The following LARP1B variants were observed in gnomAD, a reference collection of about 807,000 sequenced individuals.
The protein encoded by LARP1B is la-related protein 1B.
LARP1B carries 76 observed loss-of-function variants against 114.2 expected under a neutral mutation model. The observed-to-expected ratio is 0.67, with a 90% CI of 0.55 to 0.81. LARP1B has a LOEUF of 0.81. LARP1B is among the 30% of genes least tolerant of loss of function. LARP1B has a pLI of 0.00. For synonymous variants in LARP1B, 345 were observed against 348.0 expected (o/e 0.99, Z 0.10); for missense variants, 1,014 against 1,075.8 (o/e 0.94, Z 0.80).
In LARP1B at chr4:128,154,024, A is replaced by G. The variant is rs563627666; in HGVS notation, c.1525-8170A>G. ...CATCTCTCTATAGAAGTTTTATAGG[A>G]TGTTCTTGGCTCTAGTTCATTCTCT... On this transcript the variant is annotated intron_variant, in intron 11 of 19. Transcript: ENST00000326639. Among the ~76,000 whole-genome samples the G allele has an allele frequency of 3.3e-5, 5 of 152,218 alleles. No homozygotes were observed. In the South Asian group the frequency reaches 1.0e-3, roughly 32 times the overall value.
At chr4:128,061,881 GA>G in intron 1 of LARP1B, 4 of 985,128 alleles carry the variant, frequency 4.1e-6, no homozygotes, top group Non-Finnish European at 4.8e-6. Context: ...GGGGCGCGGG[GA>G]GAGCCGTCGC....
At chr4:128,090,527 C>T (rs191262692) in intron 5 of LARP1B, among the ~76,000 whole-genome samples, 15 of 152,284 alleles carry the variant, frequency 9.9e-5, no homozygotes, top group African/African-American at 3.6e-4. Flanking sequence ...CTTACATGTA[C>T]TCTAGATAGA....
intron 12 of LARP1B, among the ~76,000 whole-genome samples, chr4:128,176,210 T>TAAATATATAAATATATTTTTATATA (rs1487453861): frequency 1.4e-5 from 2 of 143,900 alleles, no homozygotes; most frequent in African/African-American, 2.5e-5. Flanking sequence ...ATATTATATA[T>TAAATATATAAATATATTTTTATATA]TTATATATAA....
intron 11 of LARP1B, among the ~76,000 whole-genome samples, chr4:128,124,168 A>G (rs1329662942): frequency 6.6e-6 from 1 of 152,224 alleles, no homozygotes. Flanking sequence ...GAAGGTAACA[A>G]ATAGGGTTTC....
intron 11 of LARP1B, among the ~76,000 whole-genome samples, chr4:128,125,535 C>G (rs1012603153): frequency 4.6e-5 from 7 of 152,158 alleles, no homozygotes; most frequent in African/African-American, 1.7e-4. Flanking sequence ...ATCACGAGGT[C>G]AAGAGATTGA....
At chr4:128,113,201 T>C (rs1784689186) in intron 9 of LARP1B, among the ~76,000 whole-genome samples, 1 of 152,200 alleles carries the variant, frequency 6.6e-6, no homozygotes, top group Non-Finnish European at 1.5e-5. Context: ...AGTACATTTT[T>C]TGAAGACACC....
intron 7 of LARP1B, among the ~76,000 whole-genome samples, chr4:128,093,709 CTTT>C (rs561778078): frequency 1.1e-4 from 14 of 122,692 alleles, no homozygotes; most frequent in Non-Finnish European, 1.0e-4. Flanking sequence ...TTTTTTTAAA[CTTT>C]TTTTTTTTTT....
At chr4:128,178,373 C>T in intron 13 of LARP1B, 58 bp from the exon 14 acceptor site, 2 of 1,265,374 alleles carry the variant, frequency 1.6e-6, no homozygotes, top group South Asian at 1.3e-5. Context: ...TATCCTTATT[C>T]TCAAAGTAAA....
At chr4:128,085,343 C>A (rs981736615) in intron 5 of LARP1B, among the ~76,000 whole-genome samples, 3 of 140,090 alleles carry the variant, frequency 2.1e-5, no homozygotes, top group African/African-American at 5.2e-5. Flanking sequence ...TTCAAACAAG[C>A]CTTAGCTTCC....
At position 128,065,295 on chromosome 4, in the gene LARP1B, TTCTTTCTTTCTTTCTTTCTTTCTC is replaced by T. The variant is rs1163465413; in HGVS notation, c.-78+3898_-78+3921del. The stretch of plus-strand genomic sequence containing the variant: ...TTTCTTTCTTTCTTTCTTTCTTTCT[TTCTTTCTTTCTTTCTTTCTTTCTC>T]TCTCTCTCTCTCTTTCCTTTCTTTT... On this transcript the variant is annotated intron_variant, in intron 1 of 19. Transcript: ENST00000326639. 6.2e-3 allele frequency among the ~76,000 whole-genome samples: 830 copies of T among 134,734 alleles called. 12 individuals carry two copies. Among genetic ancestry groups the T allele is most frequent in the Middle Eastern group, 0.012 (3 of 256 alleles). The allele number at this position is 134,734 out of a possible 152,430, so 88.4% of individuals were successfully genotyped here.
intron 7 of LARP1B, among the ~76,000 whole-genome samples, chr4:128,221,440 A>G (rs945818985): frequency 3.3e-5 from 5 of 152,180 alleles, no homozygotes; most frequent in Non-Finnish European, 7.4e-5. Flanking sequence ...TCTTTACAAT[A>G]AGCCTGTTTT....
intron 8 of LARP1B, among the ~76,000 whole-genome samples, chr4:128,104,215 A>C (rs183688756): frequency 3.9e-5 from 6 of 152,218 alleles, no homozygotes; most frequent in Admixed American, 6.5e-5. Context: ...AGACCCAGGC[A>C]AGCTGCTTTC....
chr4:128,069,366 C>T lies in LARP1B; in HGVS notation c.-77-5094C>T, dbSNP rs952462547. ...TTGAGCAAACTTTAGCTGGTTAACA[C>T]CATGATGGACAGGCTTGCCATAAGT... On this transcript the variant is annotated intron_variant, in intron 1 of 19. Transcript: ENST00000326639. 2.3e-4 allele frequency: 173 copies of T among 768,590 alleles called. 1 individual carries two copies. Among genetic ancestry groups the T allele is most frequent in the Non-Finnish European group, 3.0e-4 (128 of 422,830 alleles). 47.6% of individuals were successfully genotyped at this position (768,590 alleles called of 1,614,324 possible).
intron 12 of LARP1B, among the ~76,000 whole-genome samples, chr4:128,163,950 T>C (rs1490743753): frequency 1.3e-5 from 2 of 152,122 alleles, no homozygotes; most frequent in Non-Finnish European, 2.9e-5. Context: ...TGCTACTCAG[T>C]TGGTCCTTGT....
chr4:128,109,511 T>G (rs1327297593), intron 9 of LARP1B, among the ~76,000 whole-genome samples: 2 of 152,154 alleles, frequency 1.3e-5, no homozygotes, highest in Non-Finnish European at 2.9e-5. Flanking sequence ...ACATTGATTA[T>G]GGGAATGGTA....
At chr4:128,062,256 C>CG in intron 1 of LARP1B, 1 of 985,426 alleles carries the variant, frequency 1.0e-6, no homozygotes, top group South Asian at 4.7e-5. Context: ...TGGCAGGGTG[C>CG]GGGCAGGGGC....
downstream of LARP1B, among the ~76,000 whole-genome samples, chr4:128,216,727 TAAAAG>T (rs1759513063): frequency 6.6e-6 from 1 of 151,038 alleles, no homozygotes; most frequent in Non-Finnish European, 1.5e-5. Flanking sequence ...ACATCACAAT[TAAAAG>T]AACTAGAGAA....
downstream of LARP1B, among the ~76,000 whole-genome samples, chr4:128,213,922 G>C (rs879782903): frequency 5.5e-4 from 83 of 152,046 alleles, no homozygotes; most frequent in Middle Eastern, 3.4e-3. Flanking sequence ...GTGCCAGACA[G>C]TGGGCGCAGG....
chr4:128,186,597 G>A (rs1750457344), intron 15 of LARP1B, among the ~76,000 whole-genome samples: 1 of 152,134 alleles, frequency 6.6e-6, no homozygotes, highest in African/African-American at 2.4e-5. Context: ...AGGATAATTT[G>A]ACTTCTTCTT....
Sources: gnomAD v4.1 joint callset for allele counts (sites outside exome capture counted in the v4.1 genomes callset) on GRCh38, gnomAD v4.1.1 for gene constraint, MANE v1.5 for transcripts, NCBI Gene and HGNC (gene_info 2026-07-23, HGNC 2026-07-21) for gene names.